Variants in LYRM4 observed in about 807,000 individuals in gnomAD.
LYRM4 encodes the protein LYR motif containing 4.
In LYRM4, 9 loss-of-function variants were observed where a neutral mutation model predicts 11.7. That is an observed-to-expected ratio of 0.77 (90% CI 0.46 to 1.34). The LOEUF (loss-of-function observed/expected upper bound fraction) is 1.34. Among genes scored for constraint, LYRM4 ranks in the 40% most tolerant of loss-of-function variants. LYRM4 has a pLI of 0.00. For missense variants in LYRM4, 133 were observed against 112.5 expected (o/e 1.18, Z -0.82); for synonymous variants, 42 against 40.4 (o/e 1.04, Z -0.15).
the LYRM4 span, among the ~76,000 whole-genome samples, chr6:5,064,382 T>C: frequency 1.3e-4 from 20 of 152,310 alleles, no homozygotes; most frequent in African/African-American, 4.6e-4. Context: ...GTTTTATTTT[T>C]AGAGCAGTTT....
At chr6:5,227,936 G>A (rs1321177128) in intron 1 of LYRM4, among the ~76,000 whole-genome samples, 1 of 152,148 alleles carries the variant, frequency 6.6e-6, no homozygotes, top group Non-Finnish European at 1.5e-5. Flanking sequence ...TGAACAATGA[G>A]AACACATGGA....
At chr6:5,072,887 T>G in the LYRM4 span, among the ~76,000 whole-genome samples, 1 of 152,162 alleles carries the variant, frequency 6.6e-6, no homozygotes, top group African/African-American at 2.4e-5. Flanking sequence ...AAAAATTAGA[T>G]GTAAGAAGCA....
chr6:5,164,306 A>C (rs966787129), intron 2 of LYRM4, among the ~76,000 whole-genome samples: 12 of 152,192 alleles, frequency 7.9e-5, no homozygotes, highest in African/African-American at 2.9e-4. Flanking sequence ...CCAAAACTGG[A>C]AACCCCCCAA....
At chr6:5,240,293 A>G (rs1424124340) in intron 1 of LYRM4, among the ~76,000 whole-genome samples, 10 of 152,146 alleles carry the variant, frequency 6.6e-5, no homozygotes, top group Non-Finnish European at 1.5e-4. Context: ...ACTCTGCAGA[A>G]GTATTTACAT....
intron 2 of LYRM4, among the ~76,000 whole-genome samples, chr6:5,193,410 C>T (rs754954004): frequency 2.0e-5 from 3 of 152,108 alleles, no homozygotes; most frequent in Non-Finnish European, 4.4e-5. Flanking sequence ...TAATAGAAGG[C>T]AGGGTTCTTT....
intron 2 of LYRM4, among the ~76,000 whole-genome samples, chr6:5,122,191 G>C (rs186527503): frequency 6.6e-6 from 1 of 152,298 alleles, no homozygotes; most frequent in East Asian, 1.9e-4. Flanking sequence ...GGCCTCCCTG[G>C]TTTTGCCTGT....
chr6:5,257,233 C>T (rs1764720207), intron 1 of LYRM4, among the ~76,000 whole-genome samples: 1 of 152,140 alleles, frequency 6.6e-6, no homozygotes, highest in Non-Finnish European at 1.5e-5. Context: ...TCTCCAACCT[C>T]AGTGCCTTCC....
the LYRM4 span, among the ~76,000 whole-genome samples, chr6:5,046,907 T>G: frequency 6.6e-6 from 1 of 152,070 alleles, no homozygotes; most frequent in African/African-American, 2.4e-5. Context: ...CCGGGCAACA[T>G]GGTGAAACCC....
Position 5,260,650 on chromosome 6 carries a change from G to C in LYRM4, c.84C>G (p.Tyr28Ter). 3 of 1,534,424 alleles carry C rather than the reference G, an allele frequency of 2.0e-6. No homozygotes were observed. The highest frequency in any genetic ancestry group is 2.6e-6 in the Non-Finnish European group (3 of 1,143,558). Residue 28 changes from tyrosine (Y) to a stop codon, truncating the protein, a stop_gained and splice_region_variant, in exon 1 of 3, where the codon TAC becomes TAG. Coordinates refer to ENST00000330636, the MANE Select transcript of LYRM4 (RefSeq NM_020408.6). LOFTEE classifies it high-confidence loss of function. ...RESKRFSAYN[Y>*]RTYAVRRIRD... ...GCCCCCGGTGCCCGCTGGGTCACCT[G>C]TAATTGTAGGCGCTGAAACGCTTGC...
At chr6:5,050,944 GA>G in the LYRM4 span, among the ~76,000 whole-genome samples, 1 of 152,086 alleles carries the variant, frequency 6.6e-6, no homozygotes, top group Non-Finnish European at 1.5e-5. Context: ...CAAAAGTCAA[GA>G]AAACGTATGA....
the LYRM4 span, chr6:5,085,584 C>A: frequency 6.5e-7 from 1 of 1,545,720 alleles, no homozygotes; most frequent in African/African-American, 1.4e-5. Context: ...CGGTGGTCCC[C>A]TGTGTGCAGG....
chr6:5,080,303 A>G, the LYRM4 span, among the ~76,000 whole-genome samples: 1 of 152,214 alleles, frequency 6.6e-6, no homozygotes, highest in Non-Finnish European at 1.5e-5. Flanking sequence ...ATAAAAAGAG[A>G]AAAAAAGACC....
chr6:5,076,499 T>C, the LYRM4 span, among the ~76,000 whole-genome samples: 2 of 152,228 alleles, frequency 1.3e-5, no homozygotes, highest in African/African-American at 4.8e-5. Flanking sequence ...AGTGTCTTCC[T>C]GTTAGGACAC....
At chr6:5,070,902 A>G in the LYRM4 span, among the ~76,000 whole-genome samples, 1 of 143,784 alleles carries the variant, frequency 7.0e-6, no homozygotes, top group African/African-American at 2.6e-5. Context: ...GTTTAAAAAT[A>G]CATTTTCTGC....
Position 5,260,662 on chromosome 6 carries a change from G to A in LYRM4, c.72C>T (p.Ser24=), listed in dbSNP as rs1355586777. ...CGCTGGGTCACCTGTAATTGTAGGC[G>A]CTGAAACGCTTGCTCTCTCTCAGCA... ...RAMLRESKRF[S]AYNYRTYAVR... Residue 24 remains serine (S), a synonymous_variant, in exon 1 of 3, where the codon AGC becomes AGT. Coordinates refer to ENST00000330636, the MANE Select transcript of LYRM4 (RefSeq NM_020408.6). 13 of 1,541,540 alleles carry A rather than the reference G, an allele frequency of 8.4e-6. No individual in the cohort carries two copies. The highest frequency in any genetic ancestry group is 1.1e-5 in the Non-Finnish European group (13 of 1,145,436).
the LYRM4 span, among the ~76,000 whole-genome samples, chr6:5,037,727 G>A: frequency 4.3e-5 from 2 of 45,994 alleles, no homozygotes; most frequent in African/African-American, 5.5e-5. Context: ...GCGGCTGGCC[G>A]GGCAGAGGGG....
intron 2 of LYRM4, among the ~76,000 whole-genome samples, chr6:5,177,097 T>C (rs1193003123): frequency 1.3e-5 from 2 of 152,160 alleles, no homozygotes; most frequent in Non-Finnish European, 1.5e-5. Flanking sequence ...TATGGAAAAG[T>C]GCGAATACAG....
intron 1 of LYRM4, among the ~76,000 whole-genome samples, chr6:5,244,344 T>G (rs1449796937): frequency 6.6e-6 from 1 of 152,252 alleles, no homozygotes; most frequent in Non-Finnish European, 1.5e-5. Flanking sequence ...TTTCAACTTA[T>G]GACAGTTTTA....
At chr6:5,216,476 T>A in intron 2 of LYRM4, 142 bp downstream of exon 2, 3 of 905,546 alleles carry the variant, frequency 3.3e-6, no homozygotes, top group Non-Finnish European at 5.1e-6. Context: ...CACCTTTACA[T>A]GTCTGTATTA....
Sources: gnomAD v4.1 joint callset for allele counts (sites outside exome capture counted in the v4.1 genomes callset) on GRCh38, gnomAD v4.1.1 for gene constraint, MANE v1.5 for transcripts, NCBI Gene and HGNC (gene_info 2026-07-23, HGNC 2026-07-21) for gene names.